LRP8: variants seen among roughly 807,000 people sequenced by gnomAD.
LRP8 encodes low-density lipoprotein receptor-related protein 8.
In LRP8, 46 loss-of-function variants were observed where a neutral mutation model predicts 111.6. That is an observed-to-expected ratio of 0.41 (90% confidence interval 0.33 to 0.53). The LOEUF is 0.53. Among genes scored for constraint, LRP8 ranks in the 20% least tolerant of loss-of-function variants. LRP8 has a pLI of 0.20. For synonymous variants in LRP8, 464 were observed against 511.2 expected, an observed-to-expected ratio of 0.91 and a Z score of 1.24; for missense variants, 959 against 1,297.4, an observed-to-expected ratio of 0.74 and a Z score of 4.01.
At chr1:53,254,466 A>G (rs1016789082) in intron 16 of LRP8, among the ~76,000 whole-genome samples, 8 of 152,018 alleles carry the variant, frequency 5.3e-5, no homozygotes, top group Admixed American at 3.3e-4. Context: ...CCCCAGCCCA[A>G]GTTAAGTGTT....
At chr1:53,253,398 T>G (rs1645961169) in intron 16 of LRP8, among the ~76,000 whole-genome samples, 1 of 152,012 alleles carries the variant, frequency 6.6e-6, no homozygotes, top group Admixed American at 6.6e-5. Flanking sequence ...TTTCTATAAA[T>G]AAGAAAAAGA....
At chr1:53,290,236 C>G (rs559390167) in intron 2 of LRP8, among the ~76,000 whole-genome samples, 2 of 152,284 alleles carry the variant, frequency 1.3e-5, no homozygotes, top group South Asian at 2.1e-4. Context: ...GTCCCTGCCC[C>G]CCGGTGCCTA....
chr1:53,277,120 C>T (rs537138694), intron 4 of LRP8, 42 bp from the exon 5 acceptor site: 1 of 1,417,408 alleles, frequency 7.1e-7, no homozygotes, highest in African/African-American at 1.5e-5. Context: ...GACCCCCTCC[C>T]CGGCCGACCT....
chr1:53,301,334 C>G (rs542220333), intron 2 of LRP8, among the ~76,000 whole-genome samples: 20 of 152,316 alleles, frequency 1.3e-4, no homozygotes, highest in African/African-American at 4.3e-4. Context: ...ACTCCATCCC[C>G]AGTCCCTCGG....
intron 6 of LRP8, among the ~76,000 whole-genome samples, chr1:53,273,999 C>T (rs1646840735): frequency 6.6e-6 from 1 of 152,006 alleles, no homozygotes; most frequent in Admixed American, 6.5e-5. Flanking sequence ...CATGAACCTT[C>T]CTGGAGTCCA....
chr1:53,310,059 G>C (rs553557172), intron 2 of LRP8, among the ~76,000 whole-genome samples: 3 of 152,048 alleles, frequency 2.0e-5, no homozygotes, highest in Non-Finnish European at 2.9e-5. Context: ...GCTCTGCCCC[G>C]GAGCATACCC....
chr1:53,312,235 G>A (rs115901087), intron 2 of LRP8, among the ~76,000 whole-genome samples: 1,734 of 152,310 alleles, frequency 0.011, 31 homozygotes, highest in African/African-American at 0.039. Context: ...CTGTAACAGC[G>A]GCCAGGCCTC....
chr1:53,284,844 A>C (rs187816685), intron 3 of LRP8, among the ~76,000 whole-genome samples: 53 of 152,350 alleles, frequency 3.5e-4, no homozygotes, highest in African/African-American at 1.2e-3. Context: ...CAGAGGTCAC[A>C]CTGATGAACA....
intron 3 of LRP8, among the ~76,000 whole-genome samples, chr1:53,285,235 G>A (rs764874235): frequency 4.6e-5 from 7 of 152,138 alleles, no homozygotes; most frequent in Non-Finnish European, 1.0e-4. Flanking sequence ...TTAACTTACT[G>A]CACCTAACCA....
At chr1:53,306,577 G>A (rs1042421302) in intron 2 of LRP8, among the ~76,000 whole-genome samples, 12 of 151,702 alleles carry the variant, frequency 7.9e-5, no homozygotes, top group Middle Eastern at 3.2e-3. Flanking sequence ...CACCAGTTGA[G>A]GGGTTGGATC....
Position 53,312,687 on chromosome 1 carries a change from G to A in LRP8, c.244+14186C>T, listed in dbSNP as rs538272263. ...TTCTTTGTTTTTAATTAAGTGAGCC[G>A]TGCCCAGCTAGCAGATTCCACAAGG... On this transcript the variant is annotated intron_variant, in intron 2 of 18. Coordinates refer to ENST00000306052, the MANE Select transcript of LRP8 (RefSeq NM_004631.5). Among the ~76,000 whole-genome samples the A allele has an allele frequency of 1.6e-4, 24 of 152,148 alleles. 1 individual carries two copies. Among genetic ancestry groups the A allele is most frequent in the South Asian group, 4.2e-4 (2 of 4,808 alleles).
chr1:53,314,205 G>A (rs377159052), intron 2 of LRP8, among the ~76,000 whole-genome samples: 30 of 152,338 alleles, frequency 2.0e-4, no homozygotes, highest in African/African-American at 7.0e-4. Context: ...GGATCTGGGC[G>A]CTGCTGCCCT....
chr1:53,277,085 G>T lies in LRP8; in HGVS notation c.497-7C>A, dbSNP rs1032826511. ...AACTCGTGCGGGGCGCACACTGCGC[G>T]GGACAGAGAGCCGGTCGGCCCGCCG... On this transcript the variant is annotated splice_region_variant and splice_polypyrimidine_tract_variant and intron_variant, in intron 4 of 18. Transcript: ENST00000306052. The T allele has an allele frequency of 1.3e-6, 2 of 1,492,388 alleles. No homozygotes were observed. Among genetic ancestry groups the T allele is most frequent in the Non-Finnish European group, 1.8e-6 (2 of 1,125,848 alleles). 92.4% of individuals were successfully genotyped at this position (1,492,388 alleles called of 1,614,324 possible).
At position 53,257,375 on chromosome 1, in the gene LRP8, T is replaced by G. The variant is rs780317799; in HGVS notation, c.2299A>C (p.Arg767=). ...GTGCTGTGGTTCTGGTAGGTGGATC[T>G]GTGGACGGTGGTCCCGGGGGCTCTT... The part of the protein sequence containing the change: ...TTRAPGTTVH[R]STYQNHSTET... The change falls in exon 15 of 19, where the codon AGA becomes CGA. Residue 767 remains arginine (R), a synonymous_variant. Coordinates refer to ENST00000306052, the MANE Select transcript of LRP8 (RefSeq NM_004631.5). 10 of 1,614,170 alleles carry G rather than the reference T, an allele frequency of 6.2e-6. No homozygotes were observed. Among genetic ancestry groups the G allele is most frequent in the Admixed American group, 1.7e-5 (1 of 60,028 alleles).
At position 53,275,750 on chromosome 1, in the gene LRP8, A is replaced by C. The variant is rs1572511610; in HGVS notation, c.887T>G (p.Leu296Arg). The change falls in exon 6 of 19, where the codon CTG becomes CGG. Residue 296 changes from leucine (L) to arginine (R), a missense_variant. Physicochemically the swap from Leu to Arg is moderately radical, Grantham distance 102 (BLOSUM62 -2). Transcript: ENST00000306052. The surrounding 1 kb of genome is among the most constrained non-coding windows in gnomAD (Gnocchi z 4.4). ...KDKSDEADCP[L>R]GTCRGDEFQC... is the part of the protein sequence containing the mutation. ...GAACTCGTCCCCACGGCAGGTGCCCAGTGCTGCCAGGAGAGGGCAAGGGGA... is the reference window on the plus strand; with the variant it reads ...GAACTCGTCCCCACGGCAGGTGCCCCGTGCTGCCAGGAGAGGGCAAGGGGA... 1 of 1,613,892 alleles carries C rather than the reference A, an allele frequency of 6.2e-7. No individual in the cohort carries two copies. The highest frequency in any genetic ancestry group is 8.5e-7 in the Non-Finnish European group (1 of 1,179,932).
Position 53,249,274 on chromosome 1 carries a change from A to G in LRP8, c.2853+106T>C. On this transcript the variant is annotated intron_variant, in intron 18 of 18. Transcript: ENST00000306052. The surrounding 1 kb of genome is among the most constrained non-coding windows in gnomAD (Gnocchi z 4.1). ...TTCTTTGCCCCAACACCCAGCTTAC[A>G]ATTTGCAGCCTTCCCAAACCAGAAA... 1 of 1,268,412 alleles carries G rather than the reference A, an allele frequency of 7.9e-7. No individual in the cohort carries two copies. Among genetic ancestry groups the G allele is most frequent in the Non-Finnish European group, 1.1e-6 (1 of 912,464 alleles). 78.6% of individuals were successfully genotyped at this position (1,268,412 alleles called of 1,614,324 possible). A position where few individuals can be genotyped will look rare whatever the true frequency, so the allele number is the denominator to read the frequency against.
chr1:53,262,293 T>TA lies in LRP8; in HGVS notation c.1775-87dup. The TA allele has an allele frequency of 6.3e-7, 1 of 1,575,464 alleles. No homozygotes were observed. The highest frequency in any genetic ancestry group is 8.7e-7 in the Non-Finnish European group (1 of 1,153,176). On this transcript the variant is annotated intron_variant, in intron 11 of 18. Transcript: ENST00000306052. The surrounding 1 kb of genome is among the most constrained non-coding windows in gnomAD (Gnocchi z 4.8). ...TTGTACCTCTCCCTGCCCACATTTC[T>TA]AGGCCTCACACTGAGGCCAGCCTAC... is the stretch of plus-strand genomic sequence containing the variant.
chr1:53,246,699 C>T lies in LRP8; in HGVS notation c.*319G>A, dbSNP rs1005255275. The T allele has an allele frequency of 8.9e-5, 30 of 335,616 alleles. No homozygotes were observed. The highest frequency in any genetic ancestry group is 1.6e-4 in the Admixed American group (3 of 18,642). 20.8% of individuals were successfully genotyped at this position (335,616 alleles called of 1,614,324 possible). A position where few individuals can be genotyped will look rare whatever the true frequency, so the allele number is the denominator to read the frequency against. On this transcript the variant is annotated 3_prime_UTR_variant, in exon 19 of 19. Coordinates refer to ENST00000306052, the MANE Select transcript of LRP8 (RefSeq NM_004631.5). Reference sequence around the variant, plus strand: ...TAGTTTTTAAATGATGAGTAAGGTACTGTGCCATTGGCCCCCATTTGGTTA... The same window carrying T: ...TAGTTTTTAAATGATGAGTAAGGTATTGTGCCATTGGCCCCCATTTGGTTA...
rs574960254 is a variant in LRP8, at chr1:53,246,713, C to T, written c.*305G>A. ...TGAGTAAGGTACTGTGCCATTGGCCCCCATTTGGTTATGTGCATCATGTTA... is the reference window on the plus strand; with the variant it reads ...TGAGTAAGGTACTGTGCCATTGGCCTCCATTTGGTTATGTGCATCATGTTA... On this transcript the variant is annotated 3_prime_UTR_variant, in exon 19 of 19. Transcript: ENST00000306052. 5 of 367,140 alleles carry T rather than the reference C, an allele frequency of 1.4e-5. No individual in the cohort carries two copies. Among genetic ancestry groups the T allele is most frequent in the South Asian group, 1.2e-4 (3 of 25,222 alleles). The allele number at this position is 367,140 out of a possible 1,614,324, so 22.7% of individuals were successfully genotyped here.
Sources: gnomAD v4.1 joint callset for allele counts (sites outside exome capture counted in the v4.1 genomes callset) on GRCh38, gnomAD v4.1.1 for gene constraint, Gnocchi (gnomAD v3.1) non-coding constraint, MANE v1.5 for transcripts, NCBI Gene and HGNC (gene_info 2026-07-23, HGNC 2026-07-21) for gene names.